RIN2: variants seen among roughly 807,000 people sequenced by gnomAD.
RIN2 encodes Ras and Rab interactor 2, also known as RAB5 interacting protein 2.
Under a neutral mutation model 78.0 loss-of-function variants are expected in RIN2, and 36 were observed. That is an observed-to-expected ratio of 0.46 (90% CI 0.35 to 0.61). The LOEUF is 0.61. RIN2 is among the 20% of genes least tolerant of loss of function. RIN2 has a pLI of 0.00. For missense variants in RIN2, 1,087 were observed against 1,159.7 expected, an observed-to-expected ratio of 0.94 and a Z score of 0.91; for synonymous variants, 466 against 466.8, an observed-to-expected ratio of 1.00 and a Z score of 0.02.
At chr20:19,847,784 G>C (rs2036834278) in intron 2 of RIN2, among the ~76,000 whole-genome samples, 1 of 152,038 alleles carries the variant, frequency 6.6e-6, no homozygotes, top group Non-Finnish European at 1.5e-5. Flanking sequence ...TTTTTAATCT[G>C]GTTACTAGAA....
At chr20:19,999,543 CTATT>C (rs1241949160) in intron 12 of RIN2, among the ~76,000 whole-genome samples, 2 of 152,186 alleles carry the variant, frequency 1.3e-5, no homozygotes, top group African/African-American at 4.8e-5. Context: ...AGAAAAAAAT[CTATT>C]TGTTTTCTAG....
chr20:19,842,486 C>A (rs2036614947), intron 2 of RIN2, among the ~76,000 whole-genome samples: 1 of 147,916 alleles, frequency 6.8e-6, no homozygotes, highest in East Asian at 2.0e-4. Context: ...AGGTGATCCA[C>A]CTGCCTCGGC....
chr20:19,893,838 C>CAAGGTG (rs981435708), intron 3 of RIN2, among the ~76,000 whole-genome samples: 3 of 152,096 alleles, frequency 2.0e-5, no homozygotes, highest in African/African-American at 7.2e-5. Flanking sequence ...TTTGGGAGGG[C>CAAGGTG]AAGGTGGGCA....
At chr20:19,781,423 T>A (rs1360119327) in intron 1 of RIN2, among the ~76,000 whole-genome samples, 1 of 152,228 alleles carries the variant, frequency 6.6e-6, no homozygotes, top group African/African-American at 2.4e-5. Flanking sequence ...GGGATCTGTT[T>A]AGAAAAGCAT....
chr20:19,851,058 A>T (rs2036962185), intron 2 of RIN2, among the ~76,000 whole-genome samples: 1 of 99,860 alleles, frequency 1.0e-5, no homozygotes. Context: ...AGGAGAAAGA[A>T]AGGAAGGAAG....
intron 4 of RIN2, among the ~76,000 whole-genome samples, chr20:19,950,408 A>AT (rs1462224237): frequency 6.6e-6 from 1 of 152,362 alleles, no homozygotes; most frequent in East Asian, 1.9e-4. Context: ...GATGGTAGAT[A>AT]TTATTACTTC....
intron 2 of RIN2, among the ~76,000 whole-genome samples, chr20:19,805,310 C>A (rs890584347): frequency 6.6e-6 from 1 of 152,262 alleles, no homozygotes. Flanking sequence ...GGGCTCAATC[C>A]CACCATCACT....
Position 20,001,103 on chromosome 20 carries a change from A to G in RIN2, c.*167A>G. The G allele has an allele frequency of 1.7e-6, 1 of 604,460 alleles. No homozygotes were observed. Among genetic ancestry groups the G allele is most frequent in the Non-Finnish European group, 2.9e-6 (1 of 346,786 alleles). The allele number at this position is 604,460 out of a possible 1,614,324, so 37.4% of individuals were successfully genotyped here. A position where few individuals can be genotyped will look rare whatever the true frequency, so the allele number is the denominator to read the frequency against. On this transcript the variant is annotated 3_prime_UTR_variant, in exon 13 of 13. Coordinates refer to ENST00000255006, the MANE Select transcript of RIN2 (RefSeq NM_018993.4). ...CGGCCAAGGGCAACTTTAGCCACGC[A>G]AGGTAGCTGAGGTTTGTGAAACAGT...
At chr20:19,803,442 T>A (rs2035309733) in intron 2 of RIN2, among the ~76,000 whole-genome samples, 1 of 152,096 alleles carries the variant, frequency 6.6e-6, no homozygotes, top group African/African-American at 2.4e-5. Flanking sequence ...AGACCACACA[T>A]CTACAAACAT....
chr20:19,873,297 T>G (rs1263916559), intron 2 of RIN2, among the ~76,000 whole-genome samples: 1 of 151,990 alleles, frequency 6.6e-6, no homozygotes, highest in African/African-American at 2.4e-5. Context: ...GCTAATTTTT[T>G]AAAGTTTTTT....
chr20:19,925,196 C>T (rs1039296805), intron 3 of RIN2, among the ~76,000 whole-genome samples: 28 of 152,048 alleles, frequency 1.8e-4, no homozygotes, highest in African/African-American at 6.8e-4. Flanking sequence ...GCTTAACAGG[C>T]TGGGGGAACC....
chr20:19,841,096 G>T (rs2036562957), intron 2 of RIN2, among the ~76,000 whole-genome samples: 1 of 152,028 alleles, frequency 6.6e-6, no homozygotes, highest in African/African-American at 2.4e-5. Context: ...TAGAGATAGG[G>T]TCTCACTATG....
At position 19,990,145 on chromosome 20, in the gene RIN2, G is replaced by A. The variant is rs1285124269; in HGVS notation, c.1902G>A (p.Arg634=). The A allele has an allele frequency of 6.2e-7, 1 of 1,602,864 alleles. No homozygotes were observed. Among genetic ancestry groups the A allele is most frequent in the Middle Eastern group, 1.7e-4 (1 of 6,060 alleles). ...AGAACCTGCAGCTTGTGCGGCAGAG[G>A]AATCCGCAGGAGCTGGGGGTCTTCG... The part of the protein sequence containing the change: ...LKENLQLVRQ[R]NPQELGVFAP... Residue 634 remains arginine, a synonymous_variant, in exon 10 of 13, where the codon AGG becomes AGA. Coordinates refer to ENST00000255006, the MANE Select transcript of RIN2 (RefSeq NM_018993.4).
chr20:19,868,896 C>T (rs1194474222), intron 2 of RIN2, among the ~76,000 whole-genome samples: 1 of 152,020 alleles, frequency 6.6e-6, no homozygotes, highest in Non-Finnish European at 1.5e-5. Flanking sequence ...ACCTGGCCAA[C>T]ATCGTGAAAC....
intron 7 of RIN2, 69 bp downstream of exon 7, chr20:19,965,093 T>G: frequency 7.6e-7 from 1 of 1,308,042 alleles, no homozygotes. Context: ...AACCTGAGGT[T>G]TCTTGAAGGA....
intron 1 of RIN2, among the ~76,000 whole-genome samples, chr20:19,799,359 C>G (rs2035171217): frequency 6.6e-6 from 1 of 152,140 alleles, no homozygotes; most frequent in South Asian, 2.1e-4. Context: ...TTAATTAGTT[C>G]CATTCATGAA....
chr20:19,795,370 G>C (rs1362608866), intron 1 of RIN2, among the ~76,000 whole-genome samples: 1 of 152,092 alleles, frequency 6.6e-6, no homozygotes, highest in African/African-American at 2.4e-5. Context: ...TTTGGGTTTG[G>C]CTGTTTATTG....
Position 19,818,681 on chromosome 20 carries a change from G to A in RIN2, c.-37+18934G>A, listed in dbSNP as rs542775058. On this transcript the variant is annotated intron_variant, in intron 2 of 12. Transcript: ENST00000255006. ...CGGAAGGCAGAAGTTGCAGTAAGCC[G>A]AGATGGCTCCATAGCACTCCAGCCT... 9.4e-5 allele frequency among the ~76,000 whole-genome samples: 14 copies of A among 148,926 alleles called. No homozygotes were observed. In the South Asian group the frequency reaches 2.1e-3, roughly 23 times the overall value.
intron 8 of RIN2, among the ~76,000 whole-genome samples, chr20:19,972,231 CTTGCTGAAG>C (rs1185078285): frequency 6.6e-6 from 1 of 152,178 alleles, no homozygotes; most frequent in Non-Finnish European, 1.5e-5. Context: ...GATTAAAATA[CTTGCTGAAG>C]TTAAGTCAAT....
Sources: gnomAD v4.1 joint callset for allele counts (sites outside exome capture counted in the v4.1 genomes callset) on GRCh38, gnomAD v4.1.1 for gene constraint, MANE v1.5 for transcripts, NCBI Gene and HGNC (gene_info 2026-07-23, HGNC 2026-07-21) for gene names.